PRR5L: variants seen among roughly 807,000 people sequenced by gnomAD.
PRR5L encodes proline rich 5 like, also known as proline-rich protein 5-like.
PRR5L carries 21 observed loss-of-function variants against 36.4 expected under a neutral mutation model. The observed-to-expected ratio is 0.58, with a 90% confidence interval of 0.41 to 0.83. The LOEUF is 0.83. PRR5L is among the 40% of genes least tolerant of loss of function. The pLI is 0.00. For synonymous variants in PRR5L, 188 were observed against 197.0 expected (o/e 0.95, Z 0.38); for missense variants, 381 against 473.3 (o/e 0.80, Z 1.81).
At chr11:36,442,345 AT>A (rs59412923) in intron 6 of PRR5L, among the ~76,000 whole-genome samples, 177 of 147,282 alleles carry the variant, frequency 1.2e-3, no homozygotes, top group South Asian at 1.9e-3. Context: ...GTTTCTTATA[AT>A]TTTTTTTTTT....
At chr11:36,430,845 A>T (rs1329585507) in intron 4 of PRR5L, among the ~76,000 whole-genome samples, 3 of 152,228 alleles carry the variant, frequency 2.0e-5, no homozygotes, top group Non-Finnish European at 4.4e-5. Context: ...ACTGATACCC[A>T]AGTTCTTTCC....
At chr11:36,365,310 A>C (rs528911328) in intron 1 of PRR5L, among the ~76,000 whole-genome samples, 1 of 152,224 alleles carries the variant, frequency 6.6e-6, no homozygotes, top group East Asian at 1.9e-4. Flanking sequence ...CCAAGAAATT[A>C]AAAAGCCGAA....
At chr11:36,384,853 T>C (rs12805505) in intron 1 of PRR5L, among the ~76,000 whole-genome samples, 24,884 of 149,142 alleles carry the variant, frequency 0.17, 2,534 homozygotes, top group East Asian at 0.45. Context: ...TTTTTTTTTT[T>C]AGAGTTGGGA....
At chr11:36,443,477 A>C (rs1484300040) in intron 6 of PRR5L, among the ~76,000 whole-genome samples, 1 of 152,208 alleles carries the variant, frequency 6.6e-6, no homozygotes, top group African/African-American at 2.4e-5. Context: ...TCAGTCTGCC[A>C]CTTATCATCT....
At chr11:36,332,999 T>A (rs1394776601) in intron 1 of PRR5L, among the ~76,000 whole-genome samples, 1 of 152,218 alleles carries the variant, frequency 6.6e-6, no homozygotes, top group Non-Finnish European at 1.5e-5. Context: ...CCACTGGCTT[T>A]CCCTACTCCA....
chr11:36,383,174 C>A (rs1475748842), intron 1 of PRR5L, among the ~76,000 whole-genome samples: 1 of 152,152 alleles, frequency 6.6e-6, no homozygotes, highest in Non-Finnish European at 1.5e-5. Context: ...TGAGGAAGAG[C>A]CTTAGGAACT....
At chr11:36,312,455 C>G (rs79010226) in intron 1 of PRR5L, among the ~76,000 whole-genome samples, 2 of 152,180 alleles carry the variant, frequency 1.3e-5, no homozygotes, top group African/African-American at 4.8e-5. Flanking sequence ...GTGCTTTACA[C>G]CAAGTAGGTG....
intron 1 of PRR5L, among the ~76,000 whole-genome samples, chr11:36,373,667 A>G (rs1436767667): frequency 6.6e-6 from 1 of 152,136 alleles, no homozygotes; most frequent in African/African-American, 2.4e-5. Flanking sequence ...TTAGAAAAGA[A>G]TTTAACCTCT....
intron 1 of PRR5L, among the ~76,000 whole-genome samples, chr11:36,356,040 T>C (rs976024378): frequency 1.3e-5 from 2 of 152,006 alleles, no homozygotes; most frequent in Non-Finnish European, 2.9e-5. Context: ...GCCCTTCAAG[T>C]AGCTGGGACT....
intron 1 of PRR5L, among the ~76,000 whole-genome samples, chr11:36,343,908 T>G (rs1037011809): frequency 6.6e-5 from 10 of 151,778 alleles, no homozygotes; most frequent in South Asian, 4.1e-4. Flanking sequence ...TTATGTTGTT[T>G]TTTTTTTTTT....
intron 1 of PRR5L, among the ~76,000 whole-genome samples, chr11:36,370,872 C>T (rs1400383286): frequency 1.2e-4 from 10 of 86,560 alleles, no homozygotes; most frequent in Non-Finnish European, 1.8e-4. Flanking sequence ...CAGTGGGAGA[C>T]TCCATCTCAA....
At chr11:36,301,035 A>G (rs1247529343) in intron 1 of PRR5L, 1 of 152,218 alleles carries the variant, frequency 6.6e-6, no homozygotes, top group Non-Finnish European at 1.5e-5. Flanking sequence ...CCTGGGAAAA[A>G]TGATGTCTGA....
intron 1 of PRR5L, among the ~76,000 whole-genome samples, chr11:36,322,279 G>A (rs906703532): frequency 6.6e-6 from 1 of 152,116 alleles, no homozygotes; most frequent in Non-Finnish European, 1.5e-5. Context: ...CCTAGAAAGG[G>A]CTTAAAGTAG....
At chr11:36,376,752 C>G in intron 1 of PRR5L, 1 of 978,522 alleles carries the variant, frequency 1.0e-6, no homozygotes, top group African/African-American at 1.8e-5. Context: ...GAGTCATAGG[C>G]TCAGCAACCG....
At chr11:36,405,221 C>T (rs1857884256) in intron 3 of PRR5L, among the ~76,000 whole-genome samples, 1 of 152,158 alleles carries the variant, frequency 6.6e-6, no homozygotes. Flanking sequence ...GGATGCCTGG[C>T]AGTGAGATCG....
At chr11:36,376,022 G>A in intron 1 of PRR5L, 2 of 534,292 alleles carry the variant, frequency 3.7e-6, no homozygotes, top group East Asian at 6.8e-5. Context: ...CTGGGCCGGG[G>A]GCGGGGGTCG....
intron 1 of PRR5L, among the ~76,000 whole-genome samples, chr11:36,308,208 T>C (rs1396794602): frequency 6.6e-6 from 1 of 152,200 alleles, no homozygotes; most frequent in Non-Finnish European, 1.5e-5. Context: ...AAACATGCAA[T>C]TGTGAAACTC....
chr11:36,304,604 CT>C (rs1856410718), intron 1 of PRR5L, among the ~76,000 whole-genome samples: 1 of 152,210 alleles, frequency 6.6e-6, no homozygotes, highest in Non-Finnish European at 1.5e-5. Context: ...GGATAAACCC[CT>C]GCTAGTAAAC....
intron 1 of PRR5L, among the ~76,000 whole-genome samples, chr11:36,298,524 G>A (rs1856338636): frequency 6.6e-6 from 1 of 152,140 alleles, no homozygotes; most frequent in Admixed American, 6.5e-5. Context: ...TTCACAATAG[G>A]GTTTGTGCTC....
Sources: allele counts gnomAD v4.1 joint callset (sites outside exome capture counted in the v4.1 genomes callset), GRCh38; gene constraint gnomAD v4.1.1; transcripts MANE v1.5; gene names NCBI Gene and HGNC (gene_info 2026-07-23, HGNC 2026-07-21).